VMP1: variants seen among roughly 807,000 people sequenced by gnomAD.
VMP1 encodes vacuole membrane protein 1.
Under a neutral mutation model 56.0 loss-of-function variants are expected in VMP1, and 11 were observed. The observed-to-expected ratio is 0.20, with a 90% CI of 0.12 to 0.32. The LOEUF (loss-of-function observed/expected upper bound fraction) is 0.32, where lower values mean the gene tolerates loss of function less well. Ranked by LOEUF, VMP1 falls within the 10% of genes least tolerant of loss-of-function variation. VMP1 has a pLI of 1.00. For missense variants in VMP1, 296 were observed against 490.3 expected, an observed-to-expected ratio of 0.60 and a Z score of 3.74; for synonymous variants, 149 against 165.0, an observed-to-expected ratio of 0.90 and a Z score of 0.74.
In VMP1 at chr17:59,811,801, T is replaced by G. The variant is rs774697160; in HGVS notation, c.912+15T>G. 7 of 1,483,532 alleles carry G rather than the reference T, an allele frequency of 4.7e-6. No individual in the cohort carries two copies. The highest frequency in any genetic ancestry group is 6.6e-6 in the Non-Finnish European group (7 of 1,061,340). 91.9% of individuals were successfully genotyped at this position (1,483,532 alleles called of 1,614,324 possible). A position where few individuals can be genotyped will look rare whatever the true frequency, so the allele number is the denominator to read the frequency against. On this transcript the variant is annotated intron_variant, in intron 9 of 11. Transcript: ENST00000262291. ...TGCATATCCAGGTAATTATACCCCC[T>G]GATTCACTGCCTAATGATGATGAAC...
chr17:59,752,352 A>C (rs1253820336), intron 5 of VMP1, among the ~76,000 whole-genome samples: 2 of 152,196 alleles, frequency 1.3e-5, no homozygotes, highest in Non-Finnish European at 2.9e-5. Context: ...ACAGTAGTAC[A>C]CCGGAAGAGA....
At chr17:59,832,686 C>T (rs1282306256) in intron 10 of VMP1, among the ~76,000 whole-genome samples, 3 of 151,544 alleles carry the variant, frequency 2.0e-5, no homozygotes, top group East Asian at 1.9e-4. Flanking sequence ...CTTCGCCTCC[C>T]GGGTTCAAGC....
intron 3 of VMP1, 109 bp downstream of exon 3, chr17:59,735,582 A>G (rs1448691272): frequency 2.5e-6 from 3 of 1,177,336 alleles, no homozygotes; most frequent in Non-Finnish European, 3.6e-6. Flanking sequence ...TGGATTAATT[A>G]CCTTTAGAAT....
intron 7 of VMP1, among the ~76,000 whole-genome samples, chr17:59,776,965 C>T (rs888804998): frequency 2.6e-5 from 4 of 152,122 alleles, no homozygotes; most frequent in African/African-American, 9.7e-5. Context: ...TTCAAATTTG[C>T]ATAGTCTTTA....
rs1185293564 is a variant in VMP1 at position 59,733,150 on chromosome 17, C to T, written c.76+1628C>T. On this transcript the variant is annotated intron_variant, in intron 2 of 11. Transcript: ENST00000262291. Reference sequence around the variant, plus strand: ...GCAGTGAGCTGCGATCACACCACTGCACTCCAGCCTGGGTGACAGAGCAAG... The same window carrying T: ...GCAGTGAGCTGCGATCACACCACTGTACTCCAGCCTGGGTGACAGAGCAAG... 2.0e-5 allele frequency among the ~76,000 whole-genome samples: 3 copies of T among 152,082 alleles called. No individual in the cohort carries two copies. In the East Asian group the frequency reaches 5.8e-4, roughly 29 times the overall value.
chr17:59,808,546 G>A (rs1167684704), intron 7 of VMP1, among the ~76,000 whole-genome samples: 3 of 152,170 alleles, frequency 2.0e-5, no homozygotes, highest in Non-Finnish European at 4.4e-5. Context: ...AATATCCAGA[G>A]AGAATACTAA....
At chr17:59,750,674 T>TGA (rs1460745287) in intron 5 of VMP1, among the ~76,000 whole-genome samples, 1 of 152,124 alleles carries the variant, frequency 6.6e-6, no homozygotes, top group Non-Finnish European at 1.5e-5. Flanking sequence ...ATCTTTATAG[T>TGA]GAGGTATATT....
chr17:59,809,528 A>G (rs1598426131), intron 8 of VMP1, among the ~76,000 whole-genome samples: 2 of 65,390 alleles, frequency 3.1e-5, no homozygotes, highest in Non-Finnish European at 5.0e-5. Flanking sequence ...TTTTTTTGAG[A>G]CGGAGTCTCG....
At chr17:59,806,145 G>T (rs751118334) in intron 7 of VMP1, among the ~76,000 whole-genome samples, 4 of 151,960 alleles carry the variant, frequency 2.6e-5, no homozygotes, top group Non-Finnish European at 4.4e-5. Context: ...GTAATTTGGG[G>T]ACTAATTGTA....
chr17:59,802,538 C>T (rs570933066), intron 7 of VMP1, among the ~76,000 whole-genome samples: 17 of 152,088 alleles, frequency 1.1e-4, no homozygotes, highest in African/African-American at 1.9e-4. Flanking sequence ...CATTTATCTT[C>T]GGTAACATTG....
intron 5 of VMP1, among the ~76,000 whole-genome samples, chr17:59,754,978 G>GACCC (rs1568084380): frequency 7.7e-6 from 1 of 129,968 alleles, no homozygotes; most frequent in Non-Finnish European, 1.6e-5. Context: ...ATTTATACTA[G>GACCC]CCCCCCCCGC....
intron 1 of VMP1, among the ~76,000 whole-genome samples, chr17:59,710,600 T>A (rs1277452818): frequency 6.6e-6 from 1 of 152,210 alleles, no homozygotes; most frequent in African/African-American, 2.4e-5. Context: ...TAACAAAAAC[T>A]GTGCTTGGCT....
At chr17:59,743,118 C>G (rs1021215759) in intron 5 of VMP1, among the ~76,000 whole-genome samples, 20 of 152,096 alleles carry the variant, frequency 1.3e-4, no homozygotes, top group African/African-American at 4.6e-4. Context: ...TTAACTAAAA[C>G]CCATAGTTTA....
At chr17:59,756,585 A>G (rs2333562) in intron 5 of VMP1, among the ~76,000 whole-genome samples, 132,399 of 152,194 alleles carry the variant, frequency 0.87, 57,829 homozygotes, top group East Asian at 0.96. Context: ...AAACAACTCC[A>G]GTCTTTAGGA....
chr17:59,817,773 G>A lies in VMP1; in HGVS notation c.974G>A (p.Gly325Asp), dbSNP rs1254134918. The change falls in exon 10 of 12, where the codon GGT becomes GAT. Residue 325 changes from glycine (G) to aspartate (D), a missense_variant and splice_region_variant. Around this residue, in one of 4 missense-constraint regions of VMP1, gnomAD observed 95 missense variants for 137.6 expected, o/e 0.69. Transcript: ENST00000262291. The part of the protein sequence containing the change: ...HIVEQMVAFI[G>D]AVPGIGPSLQ... ...GTGGAGCAAATGGTGGCTTTCATTG[G>A]GTAAGTAATTCTTCAAGGACTAATA... The A allele has an allele frequency of 6.2e-7, 1 of 1,603,998 alleles. No individual in the cohort carries two copies. The highest frequency in any genetic ancestry group is 8.5e-7 in the Non-Finnish European group (1 of 1,174,852).
chr17:59,732,684 T>C (rs891208500), intron 2 of VMP1, among the ~76,000 whole-genome samples: 3 of 152,236 alleles, frequency 2.0e-5, no homozygotes, highest in African/African-American at 7.2e-5. Flanking sequence ...GCATACATCA[T>C]AGTGTCTTCC....
chr17:59,816,571 T>G (rs2038238412), intron 9 of VMP1, among the ~76,000 whole-genome samples: 1 of 152,132 alleles, frequency 6.6e-6, no homozygotes, highest in African/African-American at 2.4e-5. Context: ...TTTGGGAGGC[T>G]GAGGTGGGCA....
At chr17:59,720,540 A>G (rs2143742243) in intron 1 of VMP1, among the ~76,000 whole-genome samples, 1 of 152,312 alleles carries the variant, frequency 6.6e-6, no homozygotes, top group South Asian at 2.1e-4. Context: ...AGCATTTACC[A>G]TGATTTTTTT....
chr17:59,770,524 G>A (rs1339145031), intron 6 of VMP1, among the ~76,000 whole-genome samples: 4 of 151,654 alleles, frequency 2.6e-5, no homozygotes, highest in Non-Finnish European at 5.9e-5. Flanking sequence ...AAAAGAAACT[G>A]TAGTAGTCTC....
Sources: gnomAD v4.1 joint callset for allele counts (sites outside exome capture counted in the v4.1 genomes callset) on GRCh38, gnomAD v4.1.1 for gene constraint, gnomAD v4.1.1 regional missense constraint, MANE v1.5 for transcripts, NCBI Gene and HGNC (gene_info 2026-07-23, HGNC 2026-07-21) for gene names.